RAD23B: variants seen among roughly 807,000 people sequenced by gnomAD.
RAD23B encodes lysine-specific demethylase RAD23B.
Under a neutral mutation model 49.1 loss-of-function variants are expected in RAD23B, and 5 were observed. That is an observed-to-expected ratio of 0.10 (90% CI 0.05 to 0.21). The LOEUF (loss-of-function observed/expected upper bound fraction) is 0.21, where lower values mean the gene tolerates loss of function less well. Ranked by LOEUF, RAD23B falls within the 10% of genes least tolerant of loss-of-function variation. RAD23B has a pLI of 1.00. For synonymous variants in RAD23B, 184 were observed against 165.4 expected, an observed-to-expected ratio of 1.11 and a Z score of -0.86; for missense variants, 356 against 486.7, an observed-to-expected ratio of 0.73 and a Z score of 2.53.
At position 107,318,886 on chromosome 9, in the gene RAD23B, A is replaced by G; in HGVS notation, c.681+7A>G. The G allele has an allele frequency of 6.2e-7, 1 of 1,605,854 alleles. No individual in the cohort carries two copies. Among genetic ancestry groups the G allele is most frequent in the Non-Finnish European group, 8.5e-7 (1 of 1,176,200 alleles). On this transcript the variant is annotated splice_region_variant and intron_variant, in intron 6 of 9. Coordinates refer to ENST00000358015, the MANE Select transcript of RAD23B (RefSeq NM_002874.5). The surrounding 1 kb of genome is among the most constrained non-coding windows in gnomAD (Gnocchi z 4.3). ...AGTGGAGTATCTTTTAATGGTGAGAAATATGTTTTACTTTACTCCATTCTG... is the reference window on the plus strand; with the variant it reads ...AGTGGAGTATCTTTTAATGGTGAGAGATATGTTTTACTTTACTCCATTCTG...
chr9:107,330,347 A>C lies in RAD23B; in HGVS notation c.*691A>C, dbSNP rs529199058. The C allele has an allele frequency of 1.3e-4, 20 of 152,418 alleles. No homozygotes were observed. Among genetic ancestry groups the C allele is most frequent in the Admixed American group, 1.3e-3 (20 of 15,274 alleles). 9.4% of individuals were successfully genotyped at this position (152,418 alleles called of 1,614,324 possible). On this transcript the variant is annotated 3_prime_UTR_variant, in exon 10 of 10. Transcript: ENST00000358015. This position sits in a 1 kb window ranked among gnomAD's most constrained non-coding sequence, Gnocchi z 4.4. ...AAGCTGTACAAGTATAGGCAGAGTTATTTTCCTGTTTACATTTTTTTTTTG... is the reference window on the plus strand; with the variant it reads ...AAGCTGTACAAGTATAGGCAGAGTTCTTTTCCTGTTTACATTTTTTTTTTG...
intron 4 of RAD23B, among the ~76,000 whole-genome samples, 184 bp downstream of exon 4, chr9:107,306,831 A>G (rs778973250): frequency 1.3e-5 from 2 of 152,146 alleles, no homozygotes; most frequent in Non-Finnish European, 2.9e-5. Context: ...TATAAGTACA[A>G]ATTTTCATAA....
At chr9:107,303,245 T>TC (rs2133076620) in intron 3 of RAD23B, among the ~76,000 whole-genome samples, 1 of 152,292 alleles carries the variant, frequency 6.6e-6, no homozygotes, top group South Asian at 2.1e-4. Context: ...AACCACTTCA[T>TC]CAAAGGCCAA....
intron 1 of RAD23B, among the ~76,000 whole-genome samples, chr9:107,292,309 A>G (rs953673344): frequency 2.0e-5 from 3 of 152,238 alleles, no homozygotes; most frequent in Non-Finnish European, 2.9e-5. Context: ...TTGTCTTTGA[A>G]GTAGTTACAT....
rs751267975 is a variant in RAD23B at position 107,318,106 on chromosome 9, ATAT to A, written c.554-642_554-640del. On this transcript the variant is annotated intron_variant, in intron 5 of 9. Coordinates refer to ENST00000358015, the MANE Select transcript of RAD23B (RefSeq NM_002874.5). The surrounding 1 kb of genome is among the most constrained non-coding windows in gnomAD (Gnocchi z 4.3). ...TCATTTTTCTATTGTACTCTGAAAC[ATAT>A]TATATGAGTTTCCTGTTGCTACTGT... Among the ~76,000 whole-genome samples the A allele has an allele frequency of 6.6e-6, 1 of 152,130 alleles. No homozygotes were observed. The highest frequency in any genetic ancestry group is 6.5e-5 in the Admixed American group (1 of 15,284).
At chr9:107,306,085 A>ATATATATATACACTC (rs1554741862) in intron 3 of RAD23B, among the ~76,000 whole-genome samples, 5 of 122,928 alleles carry the variant, frequency 4.1e-5, no homozygotes, top group African/African-American at 6.5e-5. Context: ...ATATATCTAT[A>ATATATATATACACTC]TATATTTCAA....
intron 9 of RAD23B, among the ~76,000 whole-genome samples, chr9:107,326,511 AT>A (rs1461860438): frequency 6.7e-5 from 10 of 150,162 alleles, no homozygotes; most frequent in Admixed American, 4.6e-4. Context: ...ATTGGTGTGA[AT>A]TTTTTGAATA....
rs532374055 is a variant in RAD23B, at chr9:107,313,505, T to C, written c.553+1768T>C. ...CTCCAAAGTGCTGGGGTTACAGGCG[T>C]GAACCACAGTGCCCGGCCAGTTAAT... On this transcript the variant is annotated intron_variant, in intron 5 of 9. Transcript: ENST00000358015. 2.6e-5 allele frequency among the ~76,000 whole-genome samples: 4 copies of C among 152,342 alleles called. No homozygotes were observed. The East Asian group carries it at 7.7e-4, about 29-fold the overall frequency.
At chr9:107,321,908 C>T (rs1054329096) in intron 6 of RAD23B, 75 bp from the exon 7 acceptor site, 6 of 1,347,928 alleles carry the variant, frequency 4.5e-6, no homozygotes, top group African/African-American at 1.5e-5. Context: ...GTTAAATAGA[C>T]TATAAATCTT....
At chr9:107,325,313 C>CAAAAAAAAAAAAAAAA (rs34042765) in intron 9 of RAD23B, among the ~76,000 whole-genome samples, 23 of 61,384 alleles carry the variant, frequency 3.7e-4, no homozygotes, top group African/African-American at 1.2e-3. Context: ...GACTCTGTCT[C>CAAAAAAAAAAAAAAAA]AAAAAAAAAA....
rs571130859 is a variant in RAD23B, at chr9:107,305,566, G to GT, written c.229-806dup. On this transcript the variant is annotated intron_variant, in intron 3 of 9. Coordinates refer to ENST00000358015, the MANE Select transcript of RAD23B (RefSeq NM_002874.5). Reference sequence around the variant, plus strand: ...CTTGTTGTTCAAGGGTCAACTAATTGTTTTTTTGCTCTGTGGGAAGCTTTA... The same window carrying GT: ...CTTGTTGTTCAAGGGTCAACTAATTGTTTTTTTTGCTCTGTGGGAAGCTTTA... 1.5e-4 allele frequency among the ~76,000 whole-genome samples: 23 copies of GT among 152,042 alleles called. No individual in the cohort carries two copies. The South Asian group carries it at 4.6e-3, about 30-fold the overall frequency.
At chr9:107,291,440 T>G (rs1833383037) in intron 1 of RAD23B, among the ~76,000 whole-genome samples, 1 of 152,214 alleles carries the variant, frequency 6.6e-6, no homozygotes, top group South Asian at 2.1e-4. Flanking sequence ...TAATAGCCTT[T>G]TGGATCATAA....
chr9:107,287,710 T>A (rs1451908214), intron 1 of RAD23B, among the ~76,000 whole-genome samples: 1 of 151,826 alleles, frequency 6.6e-6, no homozygotes, highest in Non-Finnish European at 1.5e-5. Flanking sequence ...GGTGCATGCC[T>A]GTAATCCCAG....
chr9:107,321,496 C>CTT (rs10649057), intron 6 of RAD23B, among the ~76,000 whole-genome samples: 38,793 of 151,970 alleles, frequency 0.26, 5,630 homozygotes, highest in African/African-American at 0.39. Flanking sequence ...ATCAAAACCT[C>CTT]TTTTTGGATT....
intron 5 of RAD23B, among the ~76,000 whole-genome samples, chr9:107,313,161 G>C (rs1472489464): frequency 6.6e-6 from 1 of 151,656 alleles, no homozygotes; most frequent in Non-Finnish European, 1.5e-5. Flanking sequence ...CATACCTCAG[G>C]CTCTTCCTTC....
intron 9 of RAD23B, among the ~76,000 whole-genome samples, chr9:107,327,256 G>A (rs1414112503): frequency 6.6e-6 from 1 of 151,864 alleles, no homozygotes; most frequent in Non-Finnish European, 1.5e-5. Context: ...CTTTTGTTTT[G>A]TTTTGTTTTA....
intron 1 of RAD23B, among the ~76,000 whole-genome samples, chr9:107,294,663 T>G (rs1415482751): frequency 6.6e-6 from 1 of 152,212 alleles, no homozygotes; most frequent in Non-Finnish European, 1.5e-5. Flanking sequence ...TTAGACACAG[T>G]TCTTCTACAG....
intron 4 of RAD23B, among the ~76,000 whole-genome samples, chr9:107,307,271 T>A (rs1826798754): frequency 1.3e-5 from 2 of 152,218 alleles, no homozygotes; most frequent in Non-Finnish European, 2.9e-5. Flanking sequence ...AGAAATAATT[T>A]CTTGTGGGAA....
chr9:107,327,246 CTTTTG>C (rs149815281), intron 9 of RAD23B, among the ~76,000 whole-genome samples: 23,807 of 151,784 alleles, frequency 0.16, 2,313 homozygotes, highest in Admixed American at 0.23. Context: ...TTTTTCTAGT[CTTTTG>C]TTTTGTTTTG....
Sources: gnomAD v4.1 joint callset for allele counts (sites outside exome capture counted in the v4.1 genomes callset) on GRCh38, gnomAD v4.1.1 for gene constraint, Gnocchi (gnomAD v3.1) non-coding constraint, MANE v1.5 for transcripts, NCBI Gene and HGNC (gene_info 2026-07-23, HGNC 2026-07-21) for gene names.